Variants in C16orf87 observed in about 807,000 individuals in gnomAD.
C16orf87 encodes the protein UPF0547 protein C16orf87.
Under a neutral mutation model 21.0 loss-of-function variants are expected in C16orf87, and 13 were observed. The observed-to-expected ratio is 0.62, with a 90% CI of 0.40 to 0.98. The LOEUF (loss-of-function observed/expected upper bound fraction) is 0.98, where lower values mean the gene tolerates loss of function less well. Among genes scored for constraint, C16orf87 ranks in the 50% least tolerant of loss-of-function variants. C16orf87 has a pLI of 0.00. For synonymous variants in C16orf87, 49 were observed against 60.2 expected, an observed-to-expected ratio of 0.81 and a Z score of 0.86; for missense variants, 113 against 180.4, an observed-to-expected ratio of 0.63 and a Z score of 2.14.
intron 3 of C16orf87, among the ~76,000 whole-genome samples, chr16:46,804,776 T>TA (rs972596351): frequency 6.6e-6 from 1 of 152,214 alleles, no homozygotes. Context: ...TCTCTACACC[T>TA]ACAAGCAACC....
chr16:46,805,813 G>T (rs1175510170), intron 3 of C16orf87, among the ~76,000 whole-genome samples: 1 of 152,068 alleles, frequency 6.6e-6, no homozygotes, highest in African/African-American at 2.4e-5. Context: ...TTTTCTCTTG[G>T]GTCCTTCGGA....
intron 2 of C16orf87, among the ~76,000 whole-genome samples, chr16:46,823,802 T>C (rs1314240951): frequency 6.6e-6 from 1 of 152,198 alleles, no homozygotes; most frequent in Non-Finnish European, 1.5e-5. Flanking sequence ...ACAACATGGC[T>C]GAATCCTAAA....
At chr16:46,827,628 G>A (rs1277139316) in intron 1 of C16orf87, among the ~76,000 whole-genome samples, 1 of 151,652 alleles carries the variant, frequency 6.6e-6, no homozygotes, top group Non-Finnish European at 1.5e-5. Context: ...TGTCCCCCAG[G>A]CTGGAGTGCA....
chr16:46,809,837 G>C, intron 2 of C16orf87, 52 bp from the exon 3 acceptor site: 1 of 1,157,884 alleles, frequency 8.6e-7, no homozygotes, highest in Non-Finnish European at 1.2e-6. Flanking sequence ...AGAACTGTTT[G>C]CCCAAGTTCT....
intron 3 of C16orf87, among the ~76,000 whole-genome samples, chr16:46,806,404 C>A (rs1019874144): frequency 6.6e-6 from 1 of 152,114 alleles, no homozygotes; most frequent in East Asian, 1.9e-4. Context: ...ACTAGAGGCA[C>A]GCACCACCAC....
chr16:46,808,088 T>C (rs1375386059), intron 3 of C16orf87: 2 of 455,942 alleles, frequency 4.4e-6, no homozygotes, highest in African/African-American at 4.0e-5. Context: ...TTTCTTTACC[T>C]AGTTTCCCTT....
chr16:46,804,534 T>C (rs1967867586), intron 3 of C16orf87, among the ~76,000 whole-genome samples: 1 of 152,242 alleles, frequency 6.6e-6, no homozygotes, highest in Non-Finnish European at 1.5e-5. Context: ...CTTAGAACTG[T>C]GAAGGCAGTA....
intron 3 of C16orf87, among the ~76,000 whole-genome samples, chr16:46,804,428 T>C (rs778879203): frequency 6.6e-6 from 1 of 152,172 alleles, no homozygotes; most frequent in Non-Finnish European, 1.5e-5. Context: ...GCAGTATTGG[T>C]AGCAAATTTT....
At chr16:46,830,176 T>C (rs1959784679) in intron 1 of C16orf87, among the ~76,000 whole-genome samples, 1 of 151,502 alleles carries the variant, frequency 6.6e-6, no homozygotes, top group African/African-American at 2.4e-5. Flanking sequence ...ATGTTTTAAA[T>C]TACAACTATT....
chr16:46,830,643 A>C, intron 1 of C16orf87: 1 of 156,748 alleles, frequency 6.4e-6, no homozygotes, highest in East Asian at 1.9e-4. Flanking sequence ...ACCCGTCGGA[A>C]CCGGGAACAA....
chr16:46,811,679 C>T (rs1475605566), intron 2 of C16orf87, among the ~76,000 whole-genome samples: 1 of 151,918 alleles, frequency 6.6e-6, no homozygotes, highest in East Asian at 1.9e-4. Flanking sequence ...TAAGTGACAC[C>T]ATGGGGATAC....
At chr16:46,825,326 A>G (rs1959571233) in intron 1 of C16orf87, among the ~76,000 whole-genome samples, 1 of 152,222 alleles carries the variant, frequency 6.6e-6, no homozygotes, top group Non-Finnish European at 1.5e-5. Context: ...ATGACTGGTG[A>G]TAAAGTGGGA....
chr16:46,804,631 T>C (rs1189380349), intron 3 of C16orf87, among the ~76,000 whole-genome samples: 1 of 152,210 alleles, frequency 6.6e-6, no homozygotes, highest in Non-Finnish European at 1.5e-5. Flanking sequence ...AATTTACATA[T>C]AGTGAATACA....
At position 46,809,416 on chromosome 16, in the gene C16orf87, T is replaced by A. The variant is rs553276973; in HGVS notation, c.346+187A>T. On this transcript the variant is annotated intron_variant, in intron 3 of 3. Coordinates refer to ENST00000285697, the MANE Select transcript of C16orf87 (RefSeq NM_001001436.4). The stretch of plus-strand genomic sequence containing the variant: ...CCTAACTAAGCCTTCAGGTTTCCAA[T>A]AAGAATTAAATTCCTGTGATTAAAA... 1.1e-4 allele frequency among the ~76,000 whole-genome samples: 17 copies of A among 152,256 alleles called. No homozygotes were observed. In the South Asian group the frequency reaches 3.5e-3, roughly 32 times the overall value.
chr16:46,812,351 A>C (rs1968113817), intron 2 of C16orf87, among the ~76,000 whole-genome samples: 1 of 152,250 alleles, frequency 6.6e-6, no homozygotes, highest in South Asian at 2.1e-4. Flanking sequence ...AGAAAAGTGA[A>C]AATGTGAACA....
chr16:46,805,132 T>C (rs1034163660), intron 3 of C16orf87, among the ~76,000 whole-genome samples: 1 of 152,196 alleles, frequency 6.6e-6, no homozygotes, highest in Admixed American at 6.5e-5. Context: ...AGAAACTCAA[T>C]GTCCTTCAGG....
chr16:46,806,979 A>T (rs1967949205), intron 3 of C16orf87, among the ~76,000 whole-genome samples: 2 of 152,266 alleles, frequency 1.3e-5, no homozygotes, highest in Non-Finnish European at 2.9e-5. Flanking sequence ...CCAACTAAAT[A>T]GCTATTTAGC....
At chr16:46,820,849 A>G (rs1034415308) in intron 2 of C16orf87, among the ~76,000 whole-genome samples, 4 of 152,240 alleles carry the variant, frequency 2.6e-5, no homozygotes, top group Admixed American at 6.5e-5. Context: ...TGCCATACTC[A>G]TGAAAGTACT....
rs572183048 is a variant in C16orf87, at chr16:46,824,486, T to C, written c.67-4A>G. On this transcript the variant is annotated splice_region_variant and splice_polypyrimidine_tract_variant and intron_variant, in intron 1 of 3. Transcript: ENST00000285697. Reference sequence around the variant, plus strand: ...ATGATTTACATGCAACAGGAACCTGTAGGAAAAAAAGAAAAATATATATTA... The same window carrying C: ...ATGATTTACATGCAACAGGAACCTGCAGGAAAAAAAGAAAAATATATATTA... 17 of 1,431,204 alleles carry C rather than the reference T, an allele frequency of 1.2e-5. No homozygotes were observed. The Admixed American group carries it at 2.5e-4, about 21-fold the overall frequency. The allele number at this position is 1,431,204 out of a possible 1,614,324, so 88.7% of individuals were successfully genotyped here.
Sources: allele counts gnomAD v4.1 joint callset (sites outside exome capture counted in the v4.1 genomes callset), GRCh38; gene constraint gnomAD v4.1.1; transcripts MANE v1.5; gene names NCBI Gene and HGNC (gene_info 2026-07-23, HGNC 2026-07-21).